The following COBL variants were observed in gnomAD, a reference collection of about 807,000 sequenced individuals.
COBL encodes protein cordon-bleu.
A neutral mutation model predicts 98.8 loss-of-function variants in COBL; 51 were observed. The observed-to-expected ratio is 0.52, with a 90% CI of 0.41 to 0.65. COBL has a LOEUF of 0.65. Ranked by LOEUF, COBL falls within the 30% of genes least tolerant of loss-of-function variation. COBL has a pLI of 0.00. For synonymous variants in COBL, 634 were observed against 651.7 expected (o/e 0.97, Z 0.41); for missense variants, 1,617 against 1,617.5 (o/e 1.00, Z 0.01).
rs1407044861 is a variant in COBL, at chr7:51,017,588, A to G, written c.3769-20T>C. ...GGGCACCTGCAGGGAAGAGAGATTC[A>G]CAGTTATTTGGTATGTCAATAAGCC... On this transcript the variant is annotated intron_variant, in intron 12 of 12. Transcript: ENST00000265136. The G allele has an allele frequency of 6.8e-6, 11 of 1,613,546 alleles. No homozygotes were observed. In the African/African-American group the frequency reaches 1.1e-4, roughly 16 times the overall value.
chr7:51,059,795 AG>A (rs1791141020), intron 7 of COBL, among the ~76,000 whole-genome samples: 1 of 152,172 alleles, frequency 6.6e-6, no homozygotes, highest in Non-Finnish European at 1.5e-5. Context: ...AATACAGCCA[AG>A]ATGATTGCCT....
chr7:51,271,424 A>C (rs1004923416), intron 1 of COBL, among the ~76,000 whole-genome samples: 1 of 152,154 alleles, frequency 6.6e-6, no homozygotes, highest in African/African-American at 2.4e-5. Flanking sequence ...TGTTCTCACC[A>C]GTTTGGGGAT....
chr7:51,263,124 T>G (rs965247816), intron 1 of COBL, among the ~76,000 whole-genome samples: 3 of 151,956 alleles, frequency 2.0e-5, no homozygotes, highest in African/African-American at 7.2e-5. Flanking sequence ...AGTTGGGGAG[T>G]TCCCCCCAGC....
chr7:51,260,180 G>T lies in COBL; in HGVS notation c.42-40236C>A, dbSNP rs1051689968. Reference sequence around the variant, plus strand: ...CTTGCTCCATTATCTTTCTAGAGTTGTAGCTACTGATCATGCGTAACTCTA... The same window carrying T: ...CTTGCTCCATTATCTTTCTAGAGTTTTAGCTACTGATCATGCGTAACTCTA... On this transcript the variant is annotated intron_variant, in intron 1 of 12. Coordinates refer to ENST00000265136, the MANE Select transcript of COBL (RefSeq NM_015198.5). 3.5e-6 allele frequency: 3 copies of T among 866,314 alleles called. No homozygotes were observed. In the African/African-American group the frequency reaches 5.0e-5, roughly 14 times the overall value. 53.7% of individuals were successfully genotyped at this position (866,314 alleles called of 1,614,324 possible).
At chr7:51,061,872 T>C (rs77979867) in intron 7 of COBL, among the ~76,000 whole-genome samples, 2,615 of 151,526 alleles carry the variant, frequency 0.017, 68 homozygotes, top group African/African-American at 0.059. Flanking sequence ...AGCTTACAGA[T>C]GGCAAATGGT....
At chr7:51,144,733 CCA>C (rs781109229) in intron 5 of COBL, among the ~76,000 whole-genome samples, 1 of 152,150 alleles carries the variant, frequency 6.6e-6, no homozygotes, top group Non-Finnish European at 1.5e-5. Context: ...TGGACAAACC[CCA>C]GTTTGCTTTT....
In COBL at chr7:51,306,493, A is replaced by G. The variant is rs373391971; in HGVS notation, c.41+10100T>C. On this transcript the variant is annotated intron_variant, in intron 1 of 12. Coordinates refer to ENST00000265136, the MANE Select transcript of COBL (RefSeq NM_015198.5). ...AGAGCTCTGTGTTTTCATTAAATGT[A>G]TCAGCCCAAGACACTGAGCTGGGCC... 3.9e-5 allele frequency among the ~76,000 whole-genome samples: 6 copies of G among 152,282 alleles called. No homozygotes were observed. In the East Asian group the frequency reaches 1.2e-3, roughly 29 times the overall value.
intron 5 of COBL, chr7:51,172,603 T>C: frequency 8.8e-7 from 1 of 1,138,060 alleles, no homozygotes; most frequent in Non-Finnish European, 1.1e-6. Context: ...TTAGCGATCA[T>C]TAAGGCAAAA....
chr7:51,209,145 G>A (rs1480517418), intron 2 of COBL, among the ~76,000 whole-genome samples: 1 of 150,956 alleles, frequency 6.6e-6, no homozygotes, highest in East Asian at 1.9e-4. Context: ...AGCATGAGCT[G>A]CAGGGCCCTA....
At chr7:51,213,975 C>T (rs1792745308) in intron 2 of COBL, among the ~76,000 whole-genome samples, 1 of 152,092 alleles carries the variant, frequency 6.6e-6, no homozygotes, top group Admixed American at 6.5e-5. Flanking sequence ...TGTTAAAAGA[C>T]AATGCTGGCT....
intron 6 of COBL, among the ~76,000 whole-genome samples, chr7:51,105,425 T>C (rs1484068540): frequency 6.6e-6 from 1 of 152,122 alleles, no homozygotes; most frequent in Admixed American, 6.5e-5. Flanking sequence ...GGGATAATGA[T>C]AGCATGCCTA....
intron 4 of COBL, among the ~76,000 whole-genome samples, chr7:51,184,646 G>C (rs1485458497): frequency 6.6e-6 from 1 of 152,142 alleles, no homozygotes; most frequent in Non-Finnish European, 1.5e-5. Flanking sequence ...CATATAAAAA[G>C]TATTGATGAG....
chr7:51,038,053 C>T (rs978617280), intron 8 of COBL, among the ~76,000 whole-genome samples: 16 of 152,174 alleles, frequency 1.1e-4, no homozygotes, highest in Admixed American at 3.3e-4. Context: ...GGTTTCACTG[C>T]GTTGGCCAGG....
rs746099762 is a variant in COBL at position 51,029,438 on chromosome 7, T to A, written c.1658A>T (p.Asp553Val). The change falls in exon 10 of 13, where the codon GAT becomes GTT. Residue 553 changes from aspartate (D) to valine (V), a missense_variant. Asp to Val is a radical substitution (Grantham distance 152). This residue lies in a region of COBL where 1,304 missense variants were observed against 1,282.0 expected (regional missense o/e 1.02). Transcript: ENST00000265136. The stretch of plus-strand genomic sequence containing the variant: ...GTTTCTATTGGAAAACAACCCCGAA[T>A]CCACAGGATCATCTGAAACTTCCCC... Reference protein sequence around the residue: ...FIGEVSDDPVDSGLFSNRNNN... With the variant: ...FIGEVSDDPVVSGLFSNRNNN... 6.2e-7 allele frequency: 1 copy of A among 1,614,144 alleles called. No homozygotes were observed. Among genetic ancestry groups the A allele is most frequent in the South Asian group, 1.1e-5 (1 of 91,076 alleles).
At chr7:51,065,169 T>C (rs1190867512) in intron 7 of COBL, 1 of 702,240 alleles carries the variant, frequency 1.4e-6, no homozygotes, top group African/African-American at 1.7e-5. Flanking sequence ...CAAATGCCAA[T>C]ATTTCAGAGG....
At chr7:51,226,529 A>AGTGAGTGAGTGAGTGG (rs1364237315) in intron 1 of COBL, among the ~76,000 whole-genome samples, 3 of 151,938 alleles carry the variant, frequency 2.0e-5, no homozygotes, top group African/African-American at 7.3e-5. Context: ...GCGTTGAGTG[A>AGTGAGTGAGTGAGTGG]GTGAGTGAGT....
chr7:51,136,372 G>T (rs778762889), intron 5 of COBL, 41 bp from the exon 6 acceptor site: 1 of 1,577,050 alleles, frequency 6.3e-7, no homozygotes, highest in South Asian at 1.2e-5. Flanking sequence ...ATCAGTATGA[G>T]ATGACTTCTC....
At chr7:51,257,519 G>A (rs765536057) in intron 1 of COBL, among the ~76,000 whole-genome samples, 9 of 152,258 alleles carry the variant, frequency 5.9e-5, no homozygotes, top group East Asian at 5.8e-4. Context: ...CCAGAATACC[G>A]TCAAGCAATA....
At chr7:51,181,695 A>G (rs781720126) in intron 5 of COBL, among the ~76,000 whole-genome samples, 22 of 152,230 alleles carry the variant, frequency 1.4e-4, no homozygotes, top group South Asian at 8.3e-4. Flanking sequence ...TTAGGTTGAC[A>G]ATGGTGAAAA....
Sources: allele counts gnomAD v4.1 joint callset (sites outside exome capture counted in the v4.1 genomes callset), GRCh38; gene constraint gnomAD v4.1.1; regional missense constraint gnomAD v4.1.1; transcripts MANE v1.5; gene names NCBI Gene and HGNC (gene_info 2026-07-23, HGNC 2026-07-21).